TENM4: variants seen among roughly 807,000 people sequenced by gnomAD.
The protein encoded by TENM4 is teneurin transmembrane protein 4.
Under a neutral mutation model 243.3 loss-of-function variants are expected in TENM4, and 82 were observed. The observed-to-expected ratio is 0.34, with a 90% confidence interval of 0.28 to 0.40. The LOEUF (loss-of-function observed/expected upper bound fraction) is 0.40, where lower values mean the gene tolerates loss of function less well. TENM4 is among the 10% of genes least tolerant of loss of function. TENM4 has a pLI of 1.00. For synonymous variants in TENM4, 1,412 were observed against 1,456.3 expected, an observed-to-expected ratio of 0.97 and a Z score of 0.69; for missense variants, 3,138 against 3,673.3, an observed-to-expected ratio of 0.85 and a Z score of 3.77.
chr11:79,117,359 C>T (rs1174330928), intron 4 of TENM4, among the ~76,000 whole-genome samples: 2 of 152,280 alleles, frequency 1.3e-5, no homozygotes, highest in East Asian at 3.9e-4. Context: ...AGGCTATTTT[C>T]AAGCCTGATT....
intron 4 of TENM4, among the ~76,000 whole-genome samples, chr11:79,112,526 G>A (rs1861529465): frequency 6.6e-6 from 1 of 152,138 alleles, no homozygotes; most frequent in African/African-American, 2.4e-5. Flanking sequence ...GAGATGGACA[G>A]GGAGGTTGTC....
chr11:78,852,183 C>T (rs1858556115), intron 12 of TENM4, among the ~76,000 whole-genome samples: 1 of 152,202 alleles, frequency 6.6e-6, no homozygotes, highest in Non-Finnish European at 1.5e-5. Flanking sequence ...AAGGACTGTA[C>T]AAAGTGATAA....
At chr11:78,828,697 T>C (rs1857912153) in intron 12 of TENM4, among the ~76,000 whole-genome samples, 1 of 152,256 alleles carries the variant, frequency 6.6e-6, no homozygotes. Flanking sequence ...AAATATTTTA[T>C]AGCTGCTCTA....
chr11:78,757,070 C>T (rs1565365994), intron 18 of TENM4, 49 bp from the exon 19 acceptor site: 1 of 1,532,884 alleles, frequency 6.5e-7, no homozygotes, highest in Non-Finnish European at 8.9e-7. Flanking sequence ...TTCAATCAGC[C>T]ATGTTTATCC....
In TENM4 at chr11:79,002,463, C is replaced by T. The variant is rs533091693; in HGVS notation, c.493+62275G>A. Among the ~76,000 whole-genome samples, 5 of 152,346 alleles carry T rather than the reference C, an allele frequency of 3.3e-5. No individual in the cohort carries two copies. In the South Asian group the frequency reaches 6.2e-4, roughly 19 times the overall value. Reference sequence around the variant, plus strand: ...TCAGCCCCTCCAATGCAGCAGGTTCCTAACCTCTAGAACAAAGGCAGGGGC... The same window carrying T: ...TCAGCCCCTCCAATGCAGCAGGTTCTTAACCTCTAGAACAAAGGCAGGGGC... On this transcript the variant is annotated intron_variant, in intron 6 of 33. Coordinates refer to ENST00000278550, the MANE Select transcript of TENM4 (RefSeq NM_001098816.3).
intron 2 of TENM4, among the ~76,000 whole-genome samples, chr11:79,254,058 G>T (rs1184647917): frequency 6.6e-6 from 1 of 152,166 alleles, no homozygotes; most frequent in East Asian, 1.9e-4. Flanking sequence ...CAGGAAAGGG[G>T]CATCCTCATA....
intron 6 of TENM4, among the ~76,000 whole-genome samples, chr11:79,024,850 T>C (rs1859033743): frequency 6.6e-6 from 1 of 152,234 alleles, no homozygotes; most frequent in Non-Finnish European, 1.5e-5. Context: ...GCCAAACAGT[T>C]TGGCCAAGGG....
intron 4 of TENM4, among the ~76,000 whole-genome samples, chr11:79,129,929 A>C (rs774683628): frequency 1.3e-5 from 2 of 152,074 alleles, no homozygotes; most frequent in African/African-American, 2.4e-5. Flanking sequence ...GAGGCCAAAA[A>C]CCACCAAAAT....
At chr11:79,129,433 C>T (rs1861952431) in intron 4 of TENM4, among the ~76,000 whole-genome samples, 1 of 152,172 alleles carries the variant, frequency 6.6e-6, no homozygotes, top group Non-Finnish European at 1.5e-5. Context: ...GGAGGAAGAA[C>T]CAAGCCCTTT....
chr11:78,671,890 C>T (rs992690013), intron 31 of TENM4, 143 bp downstream of exon 31: 6 of 1,095,668 alleles, frequency 5.5e-6, no homozygotes, highest in Non-Finnish European at 7.7e-6. Flanking sequence ...GGACCCCATG[C>T]CCTCTGTGGC....
chr11:78,989,639 G>T (rs1313345945), intron 6 of TENM4, among the ~76,000 whole-genome samples: 1 of 152,198 alleles, frequency 6.6e-6, no homozygotes, highest in Non-Finnish European at 1.5e-5. Flanking sequence ...TAGTTCCTCT[G>T]CGCTAACTCA....
At chr11:79,079,247 C>T (rs1860605848) in intron 4 of TENM4, among the ~76,000 whole-genome samples, 1 of 152,148 alleles carries the variant, frequency 6.6e-6, no homozygotes, top group South Asian at 2.1e-4. Context: ...GCCATCTTGC[C>T]CTTCTGTTAG....
At chr11:79,186,733 A>C (rs981447803) in intron 3 of TENM4, among the ~76,000 whole-genome samples, 8 of 152,212 alleles carry the variant, frequency 5.3e-5, no homozygotes, top group South Asian at 2.1e-4. Flanking sequence ...AAATTGCCTA[A>C]GTTTTCTAGA....
At chr11:79,386,638 C>G (rs1242557456) in intron 1 of TENM4, among the ~76,000 whole-genome samples, 1 of 152,058 alleles carries the variant, frequency 6.6e-6, no homozygotes, top group Non-Finnish European at 1.5e-5. Flanking sequence ...CCAGTAAACA[C>G]ATGAAAAGGT....
At chr11:78,936,653 A>T (rs1034639727) in intron 6 of TENM4, among the ~76,000 whole-genome samples, 1 of 152,270 alleles carries the variant, frequency 6.6e-6, no homozygotes, top group Non-Finnish European at 1.5e-5. Context: ...AAGAAAAGCA[A>T]TGCTCAGAGA....
intron 15 of TENM4, among the ~76,000 whole-genome samples, chr11:78,792,468 C>G (rs1188174118): frequency 3.9e-5 from 6 of 152,082 alleles, no homozygotes; most frequent in Non-Finnish European, 8.8e-5. Flanking sequence ...TGGAGATGAA[C>G]CTGGCAACAC....
chr11:78,724,701 G>A (rs895035770), intron 23 of TENM4, among the ~76,000 whole-genome samples: 4 of 152,200 alleles, frequency 2.6e-5, no homozygotes, highest in South Asian at 4.1e-4. Flanking sequence ...GTGACTGCCT[G>A]GAACAGACCA....
intron 2 of TENM4, among the ~76,000 whole-genome samples, chr11:79,290,423 AT>A (rs1856334990): frequency 6.6e-6 from 1 of 152,258 alleles, no homozygotes; most frequent in Non-Finnish European, 1.5e-5. Context: ...TAGAAGACTT[AT>A]TGCAGAACCT....
At chr11:79,092,927 G>A (rs947807344) in intron 4 of TENM4, 4 of 152,212 alleles carry the variant, frequency 2.6e-5, no homozygotes, top group Non-Finnish European at 5.9e-5. Context: ...CTTATCTGCA[G>A]TATGAGGATT....
Sources: allele counts gnomAD v4.1 joint callset (sites outside exome capture counted in the v4.1 genomes callset), GRCh38; gene constraint gnomAD v4.1.1; transcripts MANE v1.5; gene names NCBI Gene and HGNC (gene_info 2026-07-23, HGNC 2026-07-21).